The following NRG3 variants were observed in gnomAD, a reference collection of about 807,000 sequenced individuals.
NRG3 encodes the protein pro-neuregulin-3, membrane-bound isoform.
A neutral mutation model predicts 66.9 loss-of-function variants in NRG3; 31 were observed. The observed-to-expected ratio is 0.46, with a 90% CI of 0.35 to 0.63. The LOEUF is 0.63. Among genes scored for constraint, NRG3 ranks in the 20% least tolerant of loss-of-function variants. The pLI, the probability that NRG3 is intolerant of heterozygous loss-of-function variation, is 0.00. For missense variants in NRG3, 910 were observed against 878.9 expected (o/e 1.04, Z -0.45); for synonymous variants, 393 against 359.4 (o/e 1.09, Z -1.06).
At chr10:82,955,149 T>A (rs1468696007) in intron 5 of NRG3, 1 of 151,918 alleles carries the variant, frequency 6.6e-6, no homozygotes, top group Non-Finnish European at 1.5e-5. Context: ...ATGATTCTTT[T>A]TCCATTCCCT....
intron 1 of NRG3, among the ~76,000 whole-genome samples, chr10:82,103,893 A>G (rs1023886292): frequency 6.6e-6 from 1 of 152,084 alleles, no homozygotes; most frequent in Non-Finnish European, 1.5e-5. Flanking sequence ...AAACAAATAA[A>G]TAAGTAGGGA....
chr10:82,284,586 TTC>T (rs946107237), intron 1 of NRG3, among the ~76,000 whole-genome samples: 14 of 152,168 alleles, frequency 9.2e-5, no homozygotes, highest in Non-Finnish European at 1.9e-4. Flanking sequence ...CCAAAACAAT[TTC>T]TGTTTCTTTA....
intron 4 of NRG3, among the ~76,000 whole-genome samples, chr10:82,890,301 G>C (rs531957293): frequency 6.6e-6 from 1 of 151,852 alleles, no homozygotes; most frequent in Admixed American, 6.6e-5. Flanking sequence ...GGAAAAGAAC[G>C]GTGCTGATTT....
intron 4 of NRG3, among the ~76,000 whole-genome samples, chr10:82,882,856 A>T (rs1466740802): frequency 2.6e-5 from 4 of 152,160 alleles, no homozygotes; most frequent in Admixed American, 2.6e-4. Flanking sequence ...ACTACCAACA[A>T]CTAGGACCCC....
intron 1 of NRG3, among the ~76,000 whole-genome samples, chr10:81,905,637 G>T (rs966415119): frequency 1.3e-5 from 2 of 151,748 alleles, no homozygotes; most frequent in Non-Finnish European, 2.9e-5. Context: ...CATAATTTTT[G>T]GTTCCTTCTG....
chr10:82,263,284 C>G (rs2134225734), intron 1 of NRG3, among the ~76,000 whole-genome samples: 1 of 152,182 alleles, frequency 6.6e-6, no homozygotes, highest in Middle Eastern at 3.4e-3. Context: ...TTGAATTACT[C>G]AAGGGATGGG....
chr10:82,983,088 T>C (rs1271121501), intron 8 of NRG3, among the ~76,000 whole-genome samples: 2 of 152,188 alleles, frequency 1.3e-5, no homozygotes, highest in Admixed American at 1.3e-4. Context: ...AGTGTAAGAA[T>C]TTTTACCTGT....
chr10:82,583,717 C>CA (rs1370647047), intron 2 of NRG3, among the ~76,000 whole-genome samples: 1 of 152,144 alleles, frequency 6.6e-6, no homozygotes, highest in Non-Finnish European at 1.5e-5. Flanking sequence ...CACAGGACCC[C>CA]ATGCTAAAAA....
At chr10:82,267,865 A>C (rs2078385348) in intron 1 of NRG3, among the ~76,000 whole-genome samples, 3 of 152,064 alleles carry the variant, frequency 2.0e-5, no homozygotes, top group African/African-American at 7.2e-5. Flanking sequence ...TCCAGCAGAA[A>C]CCCATTTGAG....
At chr10:82,378,354 G>T (rs908843443) in intron 2 of NRG3, among the ~76,000 whole-genome samples, 5 of 152,152 alleles carry the variant, frequency 3.3e-5, no homozygotes, top group Non-Finnish European at 7.3e-5. Flanking sequence ...CAGCTCATGG[G>T]GCTCTGGAGC....
intron 1 of NRG3, among the ~76,000 whole-genome samples, chr10:82,205,073 CA>C (rs1240888036): frequency 6.6e-6 from 1 of 152,114 alleles, no homozygotes; most frequent in Non-Finnish European, 1.5e-5. Flanking sequence ...ATGCAATAAG[CA>C]AATGGAAATG....
chr10:82,848,839 C>T (rs535995150), intron 3 of NRG3, among the ~76,000 whole-genome samples: 1 of 152,200 alleles, frequency 6.6e-6, no homozygotes, highest in South Asian at 2.1e-4. Flanking sequence ...AGGGTGGTTC[C>T]CCTGCACATG....
intron 3 of NRG3, among the ~76,000 whole-genome samples, chr10:82,822,623 C>A (rs905584967): frequency 6.6e-6 from 1 of 152,142 alleles, no homozygotes; most frequent in African/African-American, 2.4e-5. Context: ...GGGAGGCACA[C>A]ACTCTGGTTA....
intron 1 of NRG3, among the ~76,000 whole-genome samples, chr10:82,310,175 G>A (rs1038109849): frequency 4.6e-5 from 7 of 152,082 alleles, no homozygotes; most frequent in East Asian, 3.9e-4. Context: ...TTGTAAGCGC[G>A]ACATTGCTGC....
intron 2 of NRG3, among the ~76,000 whole-genome samples, chr10:82,576,134 A>C (rs568584226): frequency 6.6e-6 from 1 of 151,574 alleles, no homozygotes; most frequent in Non-Finnish European, 1.5e-5. Context: ...CTATGAATCA[A>C]TTTTCAGACA....
chr10:82,295,269 A>T (rs776041780), intron 1 of NRG3, among the ~76,000 whole-genome samples: 1 of 152,220 alleles, frequency 6.6e-6, no homozygotes, highest in Non-Finnish European at 1.5e-5. Flanking sequence ...TTTAAGATGT[A>T]GATGGGATTC....
At chr10:82,107,314 T>C (rs6584530) in intron 1 of NRG3, among the ~76,000 whole-genome samples, 127,146 of 152,198 alleles carry the variant, frequency 0.84, 53,183 homozygotes, top group East Asian at 0.9. Context: ...CCAGACTGAA[T>C]AGAAAATGTA....
chr10:82,223,737 T>G (rs2133805260), intron 1 of NRG3, among the ~76,000 whole-genome samples: 1 of 150,552 alleles, frequency 6.6e-6, no homozygotes, highest in African/African-American at 2.4e-5. Context: ...AGGCACACAC[T>G]TCACAGACAC....
At chr10:81,993,305 G>GCA (rs2060810779) in intron 1 of NRG3, among the ~76,000 whole-genome samples, 1 of 152,102 alleles carries the variant, frequency 6.6e-6, no homozygotes, top group African/African-American at 2.4e-5. Flanking sequence ...TTGACCATGA[G>GCA]CACACAGCTT....
Sources: gnomAD v4.1 joint callset for allele counts (sites outside exome capture counted in the v4.1 genomes callset) on GRCh38, gnomAD v4.1.1 for gene constraint, MANE v1.5 for transcripts, NCBI Gene and HGNC (gene_info 2026-07-23, HGNC 2026-07-21) for gene names.